Variants in TMOD3 observed in about 807,000 individuals in gnomAD.
TMOD3 encodes the protein tropomodulin-3.
In TMOD3, 20 loss-of-function variants were observed where a neutral mutation model predicts 39.2. That is an observed-to-expected ratio of 0.51 (90% CI 0.36 to 0.74). The LOEUF is 0.74. Among genes scored for constraint, TMOD3 ranks in the 30% least tolerant of loss-of-function variants. The probability of loss-of-function intolerance (pLI) is 0.00; values close to 1 mark genes in which losing one functional copy is unlikely to be tolerated. For synonymous variants in TMOD3, 143 were observed against 145.8 expected (o/e 0.98, Z 0.14); for missense variants, 381 against 412.8 (o/e 0.92, Z 0.67).
chr15:51,842,373 C>A (rs944784279), intron 1 of TMOD3, among the ~76,000 whole-genome samples: 2 of 152,182 alleles, frequency 1.3e-5, no homozygotes, highest in African/African-American at 4.8e-5. Flanking sequence ...GTCAACTTTA[C>A]GTATACAGCT....
At chr15:51,888,179 C>T (rs2056574843) in intron 4 of TMOD3, among the ~76,000 whole-genome samples, 2 of 152,154 alleles carry the variant, frequency 1.3e-5, no homozygotes, top group South Asian at 4.1e-4. Flanking sequence ...ACACTCCAAA[C>T]GTCTCTATTA....
intron 1 of TMOD3, among the ~76,000 whole-genome samples, chr15:51,857,337 T>C (rs1365649395): frequency 6.6e-6 from 1 of 152,228 alleles, no homozygotes; most frequent in Non-Finnish European, 1.5e-5. Flanking sequence ...TCTTTTATGC[T>C]GGGCAGGGTG....
intron 8 of TMOD3, among the ~76,000 whole-genome samples, chr15:51,900,859 TTACA>T (rs1436218744): frequency 1.3e-5 from 2 of 152,362 alleles, no homozygotes; most frequent in South Asian, 4.1e-4. Context: ...TGAGATATAA[TTACA>T]TACAGTAAAA....
intron 1 of TMOD3, among the ~76,000 whole-genome samples, chr15:51,852,070 T>C (rs34138293): frequency 6.6e-6 from 1 of 152,212 alleles, no homozygotes; most frequent in South Asian, 2.1e-4. Flanking sequence ...TATTAATTGG[T>C]TTTTGTCTGT....
At chr15:51,831,662 A>C (rs2056255752) in intron 1 of TMOD3, among the ~76,000 whole-genome samples, 1 of 151,838 alleles carries the variant, frequency 6.6e-6, no homozygotes. Flanking sequence ...AGTCCTATGA[A>C]CTCTAACAAG....
chr15:51,866,784 A>G (rs1595898050), intron 2 of TMOD3, among the ~76,000 whole-genome samples: 1 of 152,246 alleles, frequency 6.6e-6, no homozygotes, highest in Admixed American at 6.5e-5. Context: ...CCCAGGTACT[A>G]TGCTAGGCTT....
rs1002007887 is a variant in TMOD3, at chr15:51,914,988, C to G, written c.*6178C>G. On this transcript the variant is annotated 3_prime_UTR_variant, in exon 10 of 10. Transcript: ENST00000308580. ...CTCGTAATCCACCCGCCTCGGCCTCCCAAAGTGCTGGGATTACAGGTGTTT... is the reference window on the plus strand; with the variant it reads ...CTCGTAATCCACCCGCCTCGGCCTCGCAAAGTGCTGGGATTACAGGTGTTT... The G allele has an allele frequency of 6.6e-6, 1 of 152,042 alleles. No individual in the cohort carries two copies. 9.4% of individuals were successfully genotyped at this position (152,042 alleles called of 1,614,324 possible). A position where few individuals can be genotyped will look rare whatever the true frequency, so the allele number is the denominator to read the frequency against.
Position 51,876,761 on chromosome 15 carries a change from C to G in TMOD3, c.283+7388C>G, listed in dbSNP as rs373893833. Among the ~76,000 whole-genome samples the G allele has an allele frequency of 3.3e-5, 5 of 152,148 alleles. No individual in the cohort carries two copies. The South Asian group carries it at 6.2e-4, about 19-fold the overall frequency. On this transcript the variant is annotated intron_variant, in intron 3 of 9. Transcript: ENST00000308580. ...CAGGCATGAGCCACCGCACCCGGCC[C>G]CAGCGCTTTTTTTAAAAAAAAAAAT...
intron 3 of TMOD3, among the ~76,000 whole-genome samples, chr15:51,881,648 G>A (rs1460896588): frequency 1.4e-4 from 17 of 123,660 alleles, no homozygotes; most frequent in Admixed American, 8.3e-4. Context: ...TGCAACCTCC[G>A]CCTCCTGGGT....
rs748995624 is a variant in TMOD3, at chr15:51,900,223, G to A, written c.804G>A (p.Thr268=). ...TAAATGTGGAGTCCAACTTTATCACGGGAGTTGGGATTCTGGCACTGATTG... is the reference window on the plus strand; with the variant it reads ...TAAATGTGGAGTCCAACTTTATCACAGGAGTTGGGATTCTGGCACTGATTG... ...KSLNVESNFI[T]GVGILALIDA... The change falls in exon 8 of 10, where the codon ACG becomes ACA. Residue 268 remains threonine, a synonymous_variant. Transcript: ENST00000308580. 1.2e-5 allele frequency: 20 copies of A among 1,613,986 alleles called. No individual in the cohort carries two copies. Among genetic ancestry groups the A allele is most frequent in the Admixed American group, 1.7e-5 (1 of 60,002 alleles).
intron 2 of TMOD3, among the ~76,000 whole-genome samples, chr15:51,868,551 A>T (rs1292658083): frequency 6.6e-6 from 1 of 152,002 alleles, no homozygotes; most frequent in Non-Finnish European, 1.5e-5. Flanking sequence ...CTCATCATTG[A>T]CTCCCACTTA....
chr15:51,873,067 G>A (rs976907516), intron 3 of TMOD3, among the ~76,000 whole-genome samples: 1 of 152,160 alleles, frequency 6.6e-6, no homozygotes, highest in African/African-American at 2.4e-5. Context: ...CACCTCTAAT[G>A]TTCTGAAATC....
intron 3 of TMOD3, among the ~76,000 whole-genome samples, chr15:51,876,156 ATGTTGT>A (rs529178531): frequency 1.3e-5 from 2 of 151,168 alleles, no homozygotes; most frequent in African/African-American, 2.4e-5. Context: ...CTGTTCTTTG[ATGTTGT>A]TGTTGTTGTT....
chr15:51,878,280 C>G (rs923205381), intron 3 of TMOD3, among the ~76,000 whole-genome samples: 4 of 152,132 alleles, frequency 2.6e-5, no homozygotes, highest in Non-Finnish European at 5.9e-5. Context: ...GCCTGTAATC[C>G]AAGCCCTTTG....
chr15:51,863,025 AT>A lies in TMOD3; in HGVS notation c.126+16del, dbSNP rs769166458. On this transcript the variant is annotated intron_variant, in intron 2 of 9. Coordinates refer to ENST00000308580, the MANE Select transcript of TMOD3 (RefSeq NM_014547.5). ...TTGACCCCGAGGTAGGTGCTAGGTG[AT>A]GAAGAGAAATGAAATAACTTTTCGA... The A allele has an allele frequency of 1.3e-6, 2 of 1,598,528 alleles. No homozygotes were observed. Among genetic ancestry groups the A allele is most frequent in the Non-Finnish European group, 1.7e-6 (2 of 1,174,986 alleles).
At chr15:51,831,570 G>A (rs2056255113) in intron 1 of TMOD3, among the ~76,000 whole-genome samples, 1 of 152,154 alleles carries the variant, frequency 6.6e-6, no homozygotes, top group Non-Finnish European at 1.5e-5. Flanking sequence ...GTTTTTAATA[G>A]CAATTTAAAT....
chr15:51,861,657 CTTTTT>C (rs550303054), intron 1 of TMOD3, among the ~76,000 whole-genome samples: 1 of 134,872 alleles, frequency 7.4e-6, no homozygotes, highest in African/African-American at 2.7e-5. Context: ...GTACTAGGTA[CTTTTT>C]TTTTTTTTTT....
At chr15:51,836,927 C>A (rs2570238) in intron 1 of TMOD3, among the ~76,000 whole-genome samples, 65,368 of 151,622 alleles carry the variant, frequency 0.43, 14,298 homozygotes, top group Admixed American at 0.52. Flanking sequence ...TGATGATAAC[C>A]CCCTACAAAT....
At chr15:51,859,392 A>G (rs564452562) in intron 1 of TMOD3, 1 of 685,612 alleles carries the variant, frequency 1.5e-6, no homozygotes, top group Admixed American at 1.8e-5. Context: ...ATATTCTCTT[A>G]ATGTTCACCA....
Sources: allele counts gnomAD v4.1 joint callset (sites outside exome capture counted in the v4.1 genomes callset), GRCh38; gene constraint gnomAD v4.1.1; transcripts MANE v1.5; gene names NCBI Gene and HGNC (gene_info 2026-07-23, HGNC 2026-07-21).